The following FSTL5 variants were observed in gnomAD, a reference collection of about 807,000 sequenced individuals.
FSTL5 encodes the protein follistatin-related protein 5.
Under a neutral mutation model 89.1 loss-of-function variants are expected in FSTL5, and 62 were observed. The ratio of observed to expected loss-of-function variants is 0.70; its 90% CI spans 0.57 to 0.86. FSTL5 has a LOEUF of 0.86. FSTL5 is among the 40% of genes least tolerant of loss of function. FSTL5 has a pLI of 0.00. For synonymous variants in FSTL5, 383 were observed against 346.2 expected, an observed-to-expected ratio of 1.11 and a Z score of -1.18; for missense variants, 1,057 against 1,001.6, an observed-to-expected ratio of 1.06 and a Z score of -0.75.
chr4:161,677,216 AT>A (rs1737335913), intron 6 of FSTL5, among the ~76,000 whole-genome samples: 1 of 152,008 alleles, frequency 6.6e-6, no homozygotes, highest in African/African-American at 2.4e-5. Flanking sequence ...CATTTATAGC[AT>A]TTAATTTGCA....
chr4:161,426,779 T>A (rs1732181116), intron 15 of FSTL5, among the ~76,000 whole-genome samples: 1 of 152,204 alleles, frequency 6.6e-6, no homozygotes, highest in African/African-American at 2.4e-5. Context: ...TGAGTGACTT[T>A]AAAATAATTT....
intron 2 of FSTL5, among the ~76,000 whole-genome samples, chr4:162,097,307 G>A (rs926811782): frequency 6.6e-6 from 1 of 151,526 alleles, no homozygotes; most frequent in Non-Finnish European, 1.5e-5. Flanking sequence ...AAATAAATAT[G>A]GTGTGTATAT....
chr4:161,492,948 T>C (rs1331772624), intron 12 of FSTL5, among the ~76,000 whole-genome samples: 1 of 151,992 alleles, frequency 6.6e-6, no homozygotes, highest in African/African-American at 2.4e-5. Context: ...AAACACTATT[T>C]CCTGTAGTAT....
intron 13 of FSTL5, among the ~76,000 whole-genome samples, chr4:161,468,503 G>A (rs1403291706): frequency 6.6e-6 from 1 of 152,058 alleles, no homozygotes; most frequent in Non-Finnish European, 1.5e-5. Context: ...ATATTCCTCA[G>A]GTTAGTTGAG....
chr4:161,522,772 C>T (rs922612181), intron 10 of FSTL5, among the ~76,000 whole-genome samples: 2 of 151,360 alleles, frequency 1.3e-5, no homozygotes, highest in Non-Finnish European at 2.9e-5. Flanking sequence ...GTCAAATAGT[C>T]GATTGCCATA....
At chr4:161,980,197 G>T (rs1481457310) in intron 3 of FSTL5, among the ~76,000 whole-genome samples, 1 of 149,678 alleles carries the variant, frequency 6.7e-6, no homozygotes, top group East Asian at 2.0e-4. Context: ...GACAAGGAAG[G>T]AGAGAGAGAA....
intron 4 of FSTL5, among the ~76,000 whole-genome samples, chr4:161,910,178 C>T (rs1276279147): frequency 6.6e-6 from 1 of 152,090 alleles, no homozygotes; most frequent in Non-Finnish European, 1.5e-5. Flanking sequence ...GGTTCTCCTT[C>T]TGTAACACTG....
intron 13 of FSTL5, among the ~76,000 whole-genome samples, chr4:161,465,051 C>T (rs1733704986): frequency 6.6e-6 from 1 of 151,942 alleles, no homozygotes; most frequent in African/African-American, 2.4e-5. Flanking sequence ...ATTGTTGATG[C>T]CTTCATATTG....
At chr4:161,422,363 C>A (rs1732019484) in intron 15 of FSTL5, among the ~76,000 whole-genome samples, 1 of 152,140 alleles carries the variant, frequency 6.6e-6, no homozygotes, top group Non-Finnish European at 1.5e-5. Context: ...AGAGCGTCTA[C>A]TATTACTACT....
chr4:161,710,525 TTTG>T (rs1234464767), intron 6 of FSTL5, among the ~76,000 whole-genome samples: 1 of 152,168 alleles, frequency 6.6e-6, no homozygotes, highest in Non-Finnish European at 1.5e-5. Context: ...GGCTTCCTTT[TTTG>T]TTGTATTATC....
At chr4:162,009,578 A>G (rs1269718451) in intron 3 of FSTL5, among the ~76,000 whole-genome samples, 2 of 152,082 alleles carry the variant, frequency 1.3e-5, no homozygotes, top group East Asian at 3.8e-4. Flanking sequence ...ATTGCCCTTT[A>G]AATTACCAGT....
chr4:161,891,104 T>G (rs767317755), intron 4 of FSTL5, among the ~76,000 whole-genome samples: 6 of 152,168 alleles, frequency 3.9e-5, no homozygotes, highest in Non-Finnish European at 7.4e-5. Flanking sequence ...TATTGTCACA[T>G]TATTATTTGT....
chr4:161,435,024 G>A (rs1732509108), intron 15 of FSTL5, among the ~76,000 whole-genome samples: 1 of 152,014 alleles, frequency 6.6e-6, no homozygotes, highest in Non-Finnish European at 1.5e-5. Context: ...AGTCCCTCAA[G>A]AAAACTAAAA....
chr4:161,673,607 T>C (rs1310625919), intron 6 of FSTL5, among the ~76,000 whole-genome samples: 1 of 152,020 alleles, frequency 6.6e-6, no homozygotes, highest in Non-Finnish European at 1.5e-5. Flanking sequence ...TGCAGATCCA[T>C]TCTAGCCTCT....
At chr4:161,738,643 A>G (rs922285715) in intron 6 of FSTL5, among the ~76,000 whole-genome samples, 2 of 152,150 alleles carry the variant, frequency 1.3e-5, no homozygotes, top group Non-Finnish European at 2.9e-5. Flanking sequence ...AATAAAGATA[A>G]AAAGGAGACA....
chr4:161,980,001 A>G (rs1735769604), intron 3 of FSTL5, among the ~76,000 whole-genome samples: 1 of 151,826 alleles, frequency 6.6e-6, no homozygotes, highest in Admixed American at 6.6e-5. Context: ...AAATTCTCGA[A>G]TTATTTCCCA....
At chr4:162,025,642 T>A (rs907392936) in intron 3 of FSTL5, among the ~76,000 whole-genome samples, 7 of 152,084 alleles carry the variant, frequency 4.6e-5, no homozygotes, top group African/African-American at 1.7e-4. Context: ...TAAATTTTAG[T>A]AGAATGATAT....
At chr4:161,617,982 A>G (rs1221679423) in intron 7 of FSTL5, among the ~76,000 whole-genome samples, 1 of 152,146 alleles carries the variant, frequency 6.6e-6, no homozygotes, top group Non-Finnish European at 1.5e-5. Context: ...ATTTGTTTGT[A>G]TCCTCTTTTA....
chr4:161,521,027 A>T (rs1731002716), intron 10 of FSTL5, among the ~76,000 whole-genome samples: 1 of 152,134 alleles, frequency 6.6e-6, no homozygotes, highest in Admixed American at 6.5e-5. Context: ...TGAATGTAGC[A>T]CTTACTCAAA....
Sources: gnomAD v4.1 joint callset for allele counts (sites outside exome capture counted in the v4.1 genomes callset) on GRCh38, gnomAD v4.1.1 for gene constraint, MANE v1.5 for transcripts, NCBI Gene and HGNC (gene_info 2026-07-23, HGNC 2026-07-21) for gene names.